FGF17: variants seen among roughly 807,000 people sequenced by gnomAD.
FGF17 encodes fibroblast growth factor 17.
A neutral mutation model predicts 23.5 loss-of-function variants in FGF17; 5 were observed. The observed-to-expected ratio is 0.21, with a 90% CI of 0.11 to 0.45. The LOEUF (loss-of-function observed/expected upper bound fraction) is 0.45. FGF17 is among the 20% of genes least tolerant of loss of function. FGF17 has a pLI of 0.99. For synonymous variants in FGF17, 136 were observed against 123.0 expected (o/e 1.11, Z -0.70); for missense variants, 221 against 306.9 (o/e 0.72, Z 2.09).
upstream of FGF17, among the ~76,000 whole-genome samples, chr8:22,042,138 G>A (rs993732371): frequency 6.6e-6 from 1 of 152,222 alleles, no homozygotes; most frequent in African/African-American, 2.4e-5. Flanking sequence ...CTTAGGCCAG[G>A]ACACCCAGCT....
chr8:22,044,555 A>G (rs567554837), intron 2 of FGF17: 19 of 390,266 alleles, frequency 4.9e-5, no homozygotes, highest in Non-Finnish European at 6.3e-5. Flanking sequence ...CCGTCGGCCA[A>G]GAGGGGCGGA....
upstream of FGF17, among the ~76,000 whole-genome samples, chr8:22,041,378 GTCATC>G (rs1411414449): frequency 3.3e-5 from 5 of 152,076 alleles, no homozygotes; most frequent in African/African-American, 1.2e-4. Context: ...CGCTCCCCTG[GTCATC>G]TCTTTAGGTA....
Position 22,046,102 on chromosome 8 carries a change from G to A in FGF17, c.73-12G>A, listed in dbSNP as rs1254208598. ...GCAAATTGACACTATTTTTCCCTTGGTAACCGCAAAGGGGGAGAATCACCC... is the reference window on the plus strand; with the variant it reads ...GCAAATTGACACTATTTTTCCCTTGATAACCGCAAAGGGGGAGAATCACCC... On this transcript the variant is annotated splice_polypyrimidine_tract_variant and intron_variant, in intron 2 of 4. Coordinates refer to ENST00000359441, the MANE Select transcript of FGF17 (RefSeq NM_003867.4). 6.2e-7 allele frequency: 1 copy of A among 1,614,078 alleles called. No individual in the cohort carries two copies.
intron 2 of FGF17, chr8:22,045,017 A>G: frequency 1.0e-6 from 1 of 985,612 alleles, no homozygotes; most frequent in Non-Finnish European, 1.2e-6. Context: ...CCAGCAAAAA[A>G]GGTACATTCT....
At chr8:22,045,887 C>T (rs1800854331) in intron 2 of FGF17, 1 of 1,437,906 alleles carries the variant, frequency 7.0e-7, no homozygotes, top group African/African-American at 1.4e-5. Context: ...AAGTGTCCCC[C>T]AGCCTGGGCA....
intron 2 of FGF17, 59 bp from the exon 3 acceptor site, chr8:22,046,055 A>G (rs764020871): frequency 1.2e-6 from 2 of 1,613,598 alleles, no homozygotes; most frequent in Non-Finnish European, 1.7e-6. Context: ...CCTTGGATGG[A>G]CCAGTGGTGG....
chr8:22,048,511 G>A lies in FGF17; in HGVS notation c.*262G>A. 2.0e-6 allele frequency: 1 copy of A among 498,778 alleles called. No individual in the cohort carries two copies. The highest frequency in any genetic ancestry group is 3.6e-6 in the Non-Finnish European group (1 of 281,598). The allele number at this position is 498,778 out of a possible 1,614,324, so 30.9% of individuals were successfully genotyped here. A position where few individuals can be genotyped will look rare whatever the true frequency, so the allele number is the denominator to read the frequency against. ...TGATCTCAGGCCACCAGCCTCTGCC[G>A]GCCTCCCAGCCGGGCTCCTGAAGCC... On this transcript the variant is annotated 3_prime_UTR_variant, in exon 5 of 5. Coordinates refer to ENST00000359441, the MANE Select transcript of FGF17 (RefSeq NM_003867.4). The surrounding 1 kb of genome is among the most constrained non-coding windows in gnomAD (Gnocchi z 6.9).
Position 22,047,284 on chromosome 8 carries a change from G to A in FGF17, c.357+651G>A, listed in dbSNP as rs146605194. Among the ~76,000 whole-genome samples, 21 of 152,284 alleles carry A rather than the reference G, an allele frequency of 1.4e-4. No homozygotes were observed. In the East Asian group the frequency reaches 4.1e-3, roughly 29 times the overall value. ...GGTGGAAAGTGGGGCACAGATGTAAGACAGGAACTCCCCCAAGTTCAGTGG... is the reference window on the plus strand; with the variant it reads ...GGTGGAAAGTGGGGCACAGATGTAAAACAGGAACTCCCCCAAGTTCAGTGG... On this transcript the variant is annotated intron_variant, in intron 4 of 4. Transcript: ENST00000359441.
At chr8:22,044,179 CGGCT>C (rs1256796168) in intron 2 of FGF17, among the ~76,000 whole-genome samples, 2 of 151,972 alleles carry the variant, frequency 1.3e-5, no homozygotes, top group African/African-American at 2.4e-5. Flanking sequence ...CACAATGGTG[CGGCT>C]GGCCGGGCGT....
chr8:22,047,518 C>A (rs1563365960), intron 4 of FGF17, among the ~76,000 whole-genome samples: 2 of 152,228 alleles, frequency 1.3e-5, no homozygotes, highest in East Asian at 1.9e-4. Context: ...GAAATGGGCA[C>A]AGACCCCTGA....
rs776733398 is a variant in FGF17 at position 22,046,311 on chromosome 8, C to A, written c.250+20C>A. ...AGTTTGGTGAGAGTTGGCCCTCCCC[C>A]CAGGGCACCCACACCTCCACTCTGC... On this transcript the variant is annotated intron_variant, in intron 3 of 4. Transcript: ENST00000359441. The A allele has an allele frequency of 2.5e-6, 4 of 1,607,630 alleles. No individual in the cohort carries two copies. The highest frequency in any genetic ancestry group is 1.1e-5 in the South Asian group (1 of 90,230).
Position 22,048,081 on chromosome 8 carries a change from G to A in FGF17, c.483G>A (p.Gln161=), listed in dbSNP as rs752462356. ...MAFTRQGRPR[Q]ASRSRQNQRE... is the part of the protein sequence containing the mutation. ...TCACGCGGCAGGGGCGGCCCCGCCA[G>A]GCTTCCCGCAGCCGCCAGAACCAGC... Residue 161 remains glutamine, a synonymous_variant, in exon 5 of 5, where the codon CAG becomes CAA. Coordinates refer to ENST00000359441, the MANE Select transcript of FGF17 (RefSeq NM_003867.4). This position sits in a 1 kb window ranked among gnomAD's most constrained non-coding sequence, Gnocchi z 6.9. The A allele has an allele frequency of 4.3e-6, 7 of 1,612,892 alleles. No homozygotes were observed. Among genetic ancestry groups the A allele is most frequent in the Non-Finnish European group, 5.9e-6 (7 of 1,179,770 alleles).
upstream of FGF17, chr8:22,042,587 C>CCTTCAGAAGGCCCCCACCG (rs1800755981): frequency 1.5e-5 from 8 of 527,606 alleles, no homozygotes; most frequent in South Asian, 1.9e-4. Flanking sequence ...AGGGCCACCT[C>CCTTCAGAAGGCCCCCACCG]CTTCAGAAGG....
Position 22,042,906 on chromosome 8 carries a change from C to T in FGF17, c.-23C>T. 6.2e-7 allele frequency: 1 copy of T among 1,613,124 alleles called. No individual in the cohort carries two copies. The highest frequency in any genetic ancestry group is 8.5e-7 in the Non-Finnish European group (1 of 1,179,672). The stretch of plus-strand genomic sequence containing the variant: ...CCTGAGCTTGGGGGCAGGGGGGCAA[C>T]CGCCTGAGGAACCTCTCCAGCGATG... On this transcript the variant is annotated 5_prime_UTR_variant, in exon 1 of 5. Coordinates refer to ENST00000359441, the MANE Select transcript of FGF17 (RefSeq NM_003867.4).
chr8:22,042,880 T>C lies in FGF17; in HGVS notation c.-49T>C. 6.2e-7 allele frequency: 1 copy of C among 1,608,608 alleles called. No homozygotes were observed. The highest frequency in any genetic ancestry group is 8.5e-7 in the Non-Finnish European group (1 of 1,176,634). ...ACCCCTGGGGACTTCCCACATCTGC[T>C]CCTGAGCTTGGGGGCAGGGGGGCAA... On this transcript the variant is annotated 5_prime_UTR_variant, in exon 1 of 5. Coordinates refer to ENST00000359441, the MANE Select transcript of FGF17 (RefSeq NM_003867.4).
chr8:22,043,356 G>T (rs1361044803), intron 2 of FGF17, among the ~76,000 whole-genome samples, 175 bp downstream of exon 2: 2 of 152,100 alleles, frequency 1.3e-5, no homozygotes, highest in Non-Finnish European at 2.9e-5. Flanking sequence ...GCAGGGAAGG[G>T]GGCTGACTGA....
intron 2 of FGF17, among the ~76,000 whole-genome samples, chr8:22,043,989 C>G (rs1800795600): frequency 6.6e-6 from 1 of 151,846 alleles, no homozygotes; most frequent in African/African-American, 2.4e-5. Flanking sequence ...AAGGGGCAGC[C>G]TTTGAAGCAG....
Position 22,047,781 on chromosome 8 carries a change from G to T in FGF17, c.358-175G>T, listed in dbSNP as rs189286538. Among the ~76,000 whole-genome samples the T allele has an allele frequency of 2.1e-4, 32 of 152,360 alleles. No individual in the cohort carries two copies. In the East Asian group the frequency reaches 5.2e-3, roughly 25 times the overall value. On this transcript the variant is annotated intron_variant, in intron 4 of 4. Transcript: ENST00000359441. ...ACTCAGATCCACAAAGCGTGTTCTT[G>T]TTGGCCACTGTTGCCTCTCTAAATA...
rs1002602246 is a variant in FGF17 at position 22,046,149 on chromosome 8, C to T, written c.108C>T (p.Tyr36=). Reference sequence around the variant, plus strand: ...ACCCGTCTCCTAATTTTAACCAGTACGTGAGGGACCAGGGCGCCATGACCG... The same window carrying T: ...ACCCGTCTCCTAATTTTAACCAGTATGTGAGGGACCAGGGCGCCATGACCG... ...ENHPSPNFNQ[Y]VRDQGAMTDQ... is the part of the protein sequence containing the mutation. Residue 36 remains tyrosine (Y), a synonymous_variant, in exon 3 of 5, where the codon TAC becomes TAT. Transcript: ENST00000359441. The T allele has an allele frequency of 1.9e-6, 3 of 1,614,172 alleles. No individual in the cohort carries two copies. Among genetic ancestry groups the T allele is most frequent in the East Asian group, 2.2e-5 (1 of 44,892 alleles).
Sources: allele counts gnomAD v4.1 joint callset (sites outside exome capture counted in the v4.1 genomes callset), GRCh38; gene constraint gnomAD v4.1.1; non-coding constraint Gnocchi (gnomAD v3.1); transcripts MANE v1.5; gene names NCBI Gene and HGNC (gene_info 2026-07-23, HGNC 2026-07-21).